SPATA9: variants seen among roughly 807,000 people sequenced by gnomAD.
SPATA9 encodes spermatogenesis associated 9.
In SPATA9, 27 loss-of-function variants were observed where a neutral mutation model predicts 25.5. The ratio of observed to expected loss-of-function variants is 1.06; its 90% CI spans 0.78 to 1.46. The LOEUF is 1.46. SPATA9 is among the 40% of genes most tolerant of loss of function. The pLI, the probability that SPATA9 is intolerant of heterozygous loss-of-function variation, is 0.00. For missense variants in SPATA9, 282 were observed against 297.5 expected (o/e 0.95, Z 0.38); for synonymous variants, 102 against 105.7 (o/e 0.97, Z 0.21).
At chr5:95,696,708 C>A (rs1316043755) in intron 1 of SPATA9, among the ~76,000 whole-genome samples, 1 of 152,114 alleles carries the variant, frequency 6.6e-6, no homozygotes, top group Non-Finnish European at 1.5e-5. Context: ...AAGACCCAGT[C>A]TTTACAACAA....
At chr5:95,721,647 T>C in the SPATA9 span, among the ~76,000 whole-genome samples, 1 of 146,112 alleles carries the variant, frequency 6.8e-6, no homozygotes, top group Non-Finnish European at 1.5e-5. Context: ...ATATTTTAAA[T>C]ATTTAAGGAG....
intron 3 of SPATA9, among the ~76,000 whole-genome samples, chr5:95,673,986 C>T (rs558281917): frequency 3.9e-5 from 6 of 152,158 alleles, no homozygotes; most frequent in South Asian, 2.1e-4. Context: ...AGGATCCGCC[C>T]GCCTCAGCCT....
At chr5:95,653,068 C>T in exon 9 of SPATA9, 1 of 1,548,550 alleles carries the variant, frequency 6.5e-7, no homozygotes, top group Non-Finnish European at 8.7e-7. Context: ...GGAACACATT[C>T]ACCAAGACTT....
chr5:95,678,115 A>G (rs2548122), intron 2 of SPATA9, among the ~76,000 whole-genome samples: 91,146 of 152,094 alleles, frequency 0.6, 27,942 homozygotes, highest in African/African-American at 0.72. Context: ...CATGGCTCAC[A>G]CCTGTAATCC....
intron 3 of SPATA9, 61 bp downstream of exon 3, chr5:95,675,351 G>T: frequency 7.2e-7 from 1 of 1,388,602 alleles, no homozygotes; most frequent in Non-Finnish European, 9.8e-7. Flanking sequence ...TATTTTTCAA[G>T]TTTTGCAAAT....
chr5:95,679,983 C>T (rs1425824815), intron 2 of SPATA9, among the ~76,000 whole-genome samples: 2 of 152,234 alleles, frequency 1.3e-5, no homozygotes, highest in Admixed American at 6.5e-5. Context: ...CTGCAACCTC[C>T]GCCTACCAGG....
the SPATA9 span, chr5:95,719,908 A>G: frequency 6.6e-6 from 1 of 152,262 alleles, no homozygotes; most frequent in African/African-American, 2.4e-5. Flanking sequence ...TATAGACACA[A>G]AACATCCTTG....
Position 95,675,841 on chromosome 5 carries a change from T to A in SPATA9, c.151-202A>T, listed in dbSNP as rs1009835734. Among the ~76,000 whole-genome samples the A allele has an allele frequency of 7.9e-3, 843 of 107,034 alleles. 10 individuals are homozygous for A. The highest frequency in any genetic ancestry group is 0.027 in the African/African-American group (805 of 29,426). 70.2% of individuals were successfully genotyped at this position (107,034 alleles called of 152,430 possible). ...AACCTTTTTTTTTTTTTTTTTTTTT[T>A]ATGGAATTTCATTCTTGTGGCCCAG... On this transcript the variant is annotated intron_variant, in intron 2 of 4. Coordinates refer to ENST00000274432, the MANE Select transcript of SPATA9 (RefSeq NM_031952.4).
the SPATA9 span, among the ~76,000 whole-genome samples, chr5:95,713,070 G>C: frequency 6.6e-6 from 1 of 152,094 alleles, no homozygotes; most frequent in African/African-American, 2.4e-5. Flanking sequence ...GCATACATTT[G>C]TTCCCAGACA....
intron 4 of SPATA9, among the ~76,000 whole-genome samples, chr5:95,661,053 T>G (rs574771310): frequency 2.0e-5 from 3 of 152,336 alleles, no homozygotes; most frequent in African/African-American, 7.2e-5. Context: ...TATCCAGTTA[T>G]GCCGCTGAAA....
chr5:95,728,949 C>CA, the SPATA9 span, among the ~76,000 whole-genome samples: 2 of 152,180 alleles, frequency 1.3e-5, no homozygotes, highest in Non-Finnish European at 2.9e-5. Flanking sequence ...GACACTCCAC[C>CA]AGCACAATGA....
At position 95,658,616 on chromosome 5, in the gene SPATA9, C is replaced by T. The variant is rs773446568; in HGVS notation, c.*7G>A. On this transcript the variant is annotated 3_prime_UTR_variant, in exon 5 of 5. Coordinates refer to ENST00000274432, the MANE Select transcript of SPATA9 (RefSeq NM_031952.4). Reference sequence around the variant, plus strand: ...AACTCTTAAGTTCTGTTCAGTGATACCTGTATTCAGATTTGCTCATTCATT... The same window carrying T: ...AACTCTTAAGTTCTGTTCAGTGATATCTGTATTCAGATTTGCTCATTCATT... The T allele has an allele frequency of 2.5e-6, 4 of 1,609,490 alleles. No individual in the cohort carries two copies. In the East Asian group the frequency reaches 6.7e-5, roughly 27 times the overall value.
intron 3 of SPATA9, among the ~76,000 whole-genome samples, chr5:95,665,857 T>G (rs1298573290): frequency 6.6e-6 from 1 of 152,144 alleles, no homozygotes; most frequent in African/African-American, 2.4e-5. Flanking sequence ...TAATCCCAGC[T>G]ACTTGGGAGG....
chr5:95,677,658 C>T (rs1425292048), intron 2 of SPATA9, among the ~76,000 whole-genome samples: 1 of 152,056 alleles, frequency 6.6e-6, no homozygotes, highest in East Asian at 1.9e-4. Context: ...ATAGAGAATT[C>T]AGAAAAGTAC....
downstream of SPATA9, among the ~76,000 whole-genome samples, chr5:95,653,780 C>T (rs904442572): frequency 6.6e-6 from 1 of 152,058 alleles, no homozygotes; most frequent in Non-Finnish European, 1.5e-5. Context: ...CTCCTGTAAT[C>T]GCAGCTACTC....
chr5:95,731,688 C>A, the SPATA9 span: 7 of 1,613,410 alleles, frequency 4.3e-6, no homozygotes, highest in Non-Finnish European at 5.9e-6. Flanking sequence ...AGATCATGTA[C>A]GTACGCGCCG....
intron 1 of SPATA9, among the ~76,000 whole-genome samples, chr5:95,694,199 G>A (rs898325063): frequency 2.0e-5 from 3 of 152,040 alleles, no homozygotes; most frequent in African/African-American, 7.2e-5. Context: ...TACATTTTAA[G>A]TATATATATG....
At chr5:95,691,746 T>C (rs1286368132) in intron 1 of SPATA9, among the ~76,000 whole-genome samples, 2 of 152,232 alleles carry the variant, frequency 1.3e-5, no homozygotes, top group Non-Finnish European at 2.9e-5. Context: ...GAATAATTAT[T>C]ACAGCAGGAT....
chr5:95,731,318 A>G, the SPATA9 span: 18 of 1,069,576 alleles, frequency 1.7e-5, no homozygotes, highest in Non-Finnish European at 1.9e-5. Flanking sequence ...TTAGAGGAGG[A>G]GGAGCAGCGG....
Sources: allele counts gnomAD v4.1 joint callset (sites outside exome capture counted in the v4.1 genomes callset), GRCh38; gene constraint gnomAD v4.1.1; transcripts MANE v1.5; gene names NCBI Gene and HGNC (gene_info 2026-07-23, HGNC 2026-07-21).